Variants in PEAK1 observed in about 807,000 individuals in gnomAD.
PEAK1 encodes the protein inactive tyrosine-protein kinase PEAK1.
In PEAK1, 54 loss-of-function variants were observed where a neutral mutation model predicts 124.7. The observed-to-expected ratio is 0.43, with a 90% CI of 0.35 to 0.54. The LOEUF (loss-of-function observed/expected upper bound fraction) is 0.54. PEAK1 is among the 20% of genes least tolerant of loss of function. The pLI is 0.01. For synonymous variants in PEAK1, 719 were observed against 760.0 expected, an observed-to-expected ratio of 0.95 and a Z score of 0.89; for missense variants, 2,046 against 2,134.5, an observed-to-expected ratio of 0.96 and a Z score of 0.82.
At chr15:77,277,218 A>G (rs2062377663) in intron 5 of PEAK1, among the ~76,000 whole-genome samples, 1 of 152,166 alleles carries the variant, frequency 6.6e-6, no homozygotes, top group African/African-American at 2.4e-5. Flanking sequence ...AAAAAAGCCA[A>G]TCTCAAAGAT....
chr15:77,130,715 G>A (rs1226195663), intron 9 of PEAK1, among the ~76,000 whole-genome samples: 1 of 152,180 alleles, frequency 6.6e-6, no homozygotes, highest in African/African-American at 2.4e-5. Flanking sequence ...ACTACCTTAA[G>A]TTTACATATA....
In PEAK1 at chr15:77,334,297, T is replaced by C. The variant is rs1003332672; in HGVS notation, c.-603+30866A>G. The C allele has an allele frequency of 2.9e-5, 29 of 985,268 alleles. No homozygotes were observed. The African/African-American group carries it at 4.5e-4, about 15-fold the overall frequency. The allele number at this position is 985,268 out of a possible 1,614,324, so 61.0% of individuals were successfully genotyped here. A position where few individuals can be genotyped will look rare whatever the true frequency, so the allele number is the denominator to read the frequency against. On this transcript the variant is annotated intron_variant, in intron 2 of 9. Coordinates refer to ENST00000682557, the MANE Select transcript of PEAK1 (RefSeq NM_001385026.1). ...GTAGATCACTTGTGCATAATAGTAA[T>C]GCTGTCTTCTCTTTTGAAATGACTG...
chr15:77,109,369 G>A lies in PEAK1; in HGVS notation c.*4787C>T, dbSNP rs570000144. 1 of 152,182 alleles carries A rather than the reference G, an allele frequency of 6.6e-6. No homozygotes were observed. Among genetic ancestry groups the A allele is most frequent in the East Asian group, 1.9e-4 (1 of 5,176 alleles). 9.4% of individuals were successfully genotyped at this position (152,182 alleles called of 1,614,324 possible). A position where few individuals can be genotyped will look rare whatever the true frequency, so the allele number is the denominator to read the frequency against. Reference sequence around the variant, plus strand: ...TACAAAATGGACTTCTTTTTAAAAAGGTGCTTTTCTGAGGATGGATTTATC... The same window carrying A: ...TACAAAATGGACTTCTTTTTAAAAAAGTGCTTTTCTGAGGATGGATTTATC... On this transcript the variant is annotated 3_prime_UTR_variant, in exon 10 of 10. Coordinates refer to ENST00000682557, the MANE Select transcript of PEAK1 (RefSeq NM_001385026.1).
chr15:77,416,969 G>A (rs949718718), intron 1 of PEAK1, among the ~76,000 whole-genome samples: 303 of 152,212 alleles, frequency 2.0e-3, no homozygotes, highest in Middle Eastern at 6.8e-3. Context: ...TTTGTGGCTT[G>A]TATTAAATTT....
At chr15:77,105,469 G>C (rs540665330), downstream of PEAK1, 1 of 152,290 alleles carries the variant, frequency 6.6e-6, no homozygotes, top group South Asian at 2.1e-4. Context: ...GAGAGAACTG[G>C]ATCTTGGCAA....
At chr15:77,305,147 AAAGG>A (rs971730711) in intron 2 of PEAK1, among the ~76,000 whole-genome samples, 5 of 113,934 alleles carry the variant, frequency 4.4e-5, no homozygotes, top group South Asian at 3.5e-4. Context: ...TGTTTCAAAA[AAAGG>A]AAGGAAGGAA....
chr15:77,351,791 T>C (rs572647020), intron 2 of PEAK1: 873 of 985,320 alleles, frequency 8.9e-4, no homozygotes, highest in Non-Finnish European at 1.0e-3. Context: ...GATGAAAATG[T>C]GGAGCACTGA....
chr15:77,315,328 T>C (rs1344193558), intron 2 of PEAK1, among the ~76,000 whole-genome samples: 2 of 152,194 alleles, frequency 1.3e-5, no homozygotes, highest in African/African-American at 2.4e-5. Context: ...CATCTTGATG[T>C]CTACGATAGA....
intron 6 of PEAK1, among the ~76,000 whole-genome samples, chr15:77,182,425 G>C (rs1382719689): frequency 6.6e-6 from 1 of 151,576 alleles, no homozygotes; most frequent in Admixed American, 6.6e-5. Context: ...TAGACATTTC[G>C]TAGACTCCTC....
intron 2 of PEAK1, among the ~76,000 whole-genome samples, chr15:77,292,414 C>A (rs1270181465): frequency 6.6e-6 from 1 of 151,936 alleles, no homozygotes; most frequent in Non-Finnish European, 1.5e-5. Flanking sequence ...TATATCACAG[C>A]TTTCTTGCAC....
rs544178808 is a variant in PEAK1 at position 77,196,132 on chromosome 15, G to GT, written c.-114-14093dup. On this transcript the variant is annotated intron_variant, in intron 6 of 9. Transcript: ENST00000682557. ...AGGTCATTTGTTAAATGGACAATGG[G>GT]TGAAGGACAGATCAAATGAGGCTCT... is the stretch of plus-strand genomic sequence containing the variant. 1.0e-3 allele frequency among the ~76,000 whole-genome samples: 157 copies of GT among 152,318 alleles called. 2 individuals carry two copies. The South Asian group carries it at 0.011, about 10-fold the overall frequency.
At chr15:77,321,379 G>A (rs1404575173) in intron 2 of PEAK1, among the ~76,000 whole-genome samples, 1 of 152,136 alleles carries the variant, frequency 6.6e-6, no homozygotes, top group Non-Finnish European at 1.5e-5. Context: ...GTATCTCCTT[G>A]TGGTTTTGAT....
At chr15:77,218,058 A>AG (rs1194192068) in intron 6 of PEAK1, among the ~76,000 whole-genome samples, 6 of 152,198 alleles carry the variant, frequency 3.9e-5, no homozygotes, top group African/African-American at 1.4e-4. Flanking sequence ...TCTGGAAATA[A>AG]GGCTAGTTTT....
chr15:77,334,309 T>C lies in PEAK1; in HGVS notation c.-603+30854A>G, dbSNP rs1035727547. 2.0e-4 allele frequency: 199 copies of C among 985,396 alleles called. No homozygotes were observed. The African/African-American group carries it at 3.1e-3, about 15-fold the overall frequency. 61.0% of individuals were successfully genotyped at this position (985,396 alleles called of 1,614,324 possible). A position where few individuals can be genotyped will look rare whatever the true frequency, so the allele number is the denominator to read the frequency against. Reference sequence around the variant, plus strand: ...TGCATAATAGTAATGCTGTCTTCTCTTTTGAAATGACTGCCCAACCATGTA... The same window carrying C: ...TGCATAATAGTAATGCTGTCTTCTCCTTTGAAATGACTGCCCAACCATGTA... On this transcript the variant is annotated intron_variant, in intron 2 of 9. Coordinates refer to ENST00000682557, the MANE Select transcript of PEAK1 (RefSeq NM_001385026.1).
intron 6 of PEAK1, among the ~76,000 whole-genome samples, chr15:77,243,923 G>A (rs915313041): frequency 1.3e-5 from 2 of 151,676 alleles, no homozygotes; most frequent in African/African-American, 4.8e-5. Flanking sequence ...AGCTGAGATC[G>A]CGCCATTGCG....
At chr15:77,117,759 T>C (rs559793292) in intron 9 of PEAK1, among the ~76,000 whole-genome samples, 1 of 152,340 alleles carries the variant, frequency 6.6e-6, no homozygotes, top group South Asian at 2.1e-4. Flanking sequence ...TGGCCAAGTC[T>C]AGTTTTTAAC....
intron 8 of PEAK1, among the ~76,000 whole-genome samples, chr15:77,143,804 A>T (rs545368537): frequency 6.6e-6 from 1 of 152,316 alleles, no homozygotes; most frequent in South Asian, 2.1e-4. Flanking sequence ...TTCCATTCTG[A>T]ATTCCCTACT....
chr15:77,158,802 AG>A, intron 7 of PEAK1, 106 bp from the exon 8 acceptor site: 3 of 1,037,482 alleles, frequency 2.9e-6, no homozygotes, highest in African/African-American at 3.1e-5. Flanking sequence ...CTGGTCCTAT[AG>A]TCACAATACA....
chr15:77,280,977 T>C (rs1249530226), intron 5 of PEAK1, among the ~76,000 whole-genome samples: 2 of 152,070 alleles, frequency 1.3e-5, no homozygotes, highest in Admixed American at 6.6e-5. Flanking sequence ...CTGGCCAACA[T>C]GGTGAAACCC....
Sources: gnomAD v4.1 joint callset for allele counts (sites outside exome capture counted in the v4.1 genomes callset) on GRCh38, gnomAD v4.1.1 for gene constraint, MANE v1.5 for transcripts, NCBI Gene and HGNC (gene_info 2026-07-23, HGNC 2026-07-21) for gene names.